Variants in SLC22A8 observed in about 807,000 individuals in gnomAD.
The protein encoded by SLC22A8 is organic anion transporter 3.
A neutral mutation model predicts 48.4 loss-of-function variants in SLC22A8; 40 were observed. The observed-to-expected ratio is 0.83, with a 90% CI of 0.64 to 1.08. The LOEUF (loss-of-function observed/expected upper bound fraction) is 1.08. SLC22A8 is among the 50% of genes least tolerant of loss of function. The pLI is 0.00. For missense variants in SLC22A8, 606 were observed against 699.0 expected (o/e 0.87, Z 1.50); for synonymous variants, 268 against 286.3 (o/e 0.94, Z 0.65).
chr11:62,995,643 A>C, intron 7 of SLC22A8, 61 bp downstream of exon 7: 2 of 1,205,608 alleles, frequency 1.7e-6, no homozygotes, highest in South Asian at 1.2e-5. Context: ...AAGTGAGCCT[A>C]CTGGAGGCCT....
At chr11:63,001,381 G>A (rs2086492721) in intron 2 of SLC22A8, among the ~76,000 whole-genome samples, 1 of 152,162 alleles carries the variant, frequency 6.6e-6, no homozygotes, top group Admixed American at 6.5e-5. Context: ...CTTTGAACGA[G>A]GAGCTGTACT....
chr11:63,001,518 T>G (rs1356632441), intron 2 of SLC22A8, among the ~76,000 whole-genome samples: 1 of 152,240 alleles, frequency 6.6e-6, no homozygotes, highest in African/African-American at 2.4e-5. Flanking sequence ...TCCCTAATCC[T>G]GGCCTGGCTT....
Position 62,993,123 on chromosome 11 carries a change from G to A in SLC22A8, c.*114C>T. 2.7e-6 allele frequency: 2 copies of A among 736,428 alleles called. No individual in the cohort carries two copies. The highest frequency in any genetic ancestry group is 4.5e-6 in the Non-Finnish European group (2 of 447,888). The allele number at this position is 736,428 out of a possible 1,614,324, so 45.6% of individuals were successfully genotyped here. On this transcript the variant is annotated 3_prime_UTR_variant, in exon 11 of 11. Coordinates refer to ENST00000336232, the MANE Select transcript of SLC22A8 (RefSeq NM_004254.4). ...GTGGTGATGGAGACACCTTCACCAA[G>A]CTCTCAGAAGGCTTCATCCTAGGAG...
rs1279991110 is a variant in SLC22A8, at chr11:63,014,638, G to A, written c.321C>T (p.Ser107=). The A allele has an allele frequency of 6.3e-7, 1 of 1,591,626 alleles. No homozygotes were observed. The highest frequency in any genetic ancestry group is 8.6e-7 in the Non-Finnish European group (1 of 1,163,290). The change falls in exon 2 of 11, where the codon TCC becomes TCT. Residue 107 remains serine (S), a synonymous_variant. Coordinates refer to ENST00000336232, the MANE Select transcript of SLC22A8 (RefSeq NM_004254.4). ...TGCCCAGGCATACCTCTGTCACAAT[G>A]GAGTCCTTGGTGCTGTTGTAGACCC... is the stretch of plus-strand genomic sequence containing the variant. ...DGWVYNSTKD[S]IVTEWDLVCN...
chr11:62,999,790 C>T lies in SLC22A8; in HGVS notation c.490G>A (p.Gly164Ser), dbSNP rs763444172. 20 of 1,604,408 alleles carry T rather than the reference C, an allele frequency of 1.2e-5. No individual in the cohort carries two copies. The highest frequency in any genetic ancestry group is 1.0e-4 in the Admixed American group (6 of 58,858). ...TCSYLLLAAS[G>S]SGAAFSPTFP... ...GTGGGGCTGAAGGCTGCACCGGAGC[C>T]GCTGGCTGCCAGCAGCAGGTAGCTG... is the stretch of plus-strand genomic sequence containing the variant. The change falls in exon 4 of 11, where the codon GGC becomes AGC. Residue 164 changes from glycine to serine, a missense_variant. Coordinates refer to ENST00000336232, the MANE Select transcript of SLC22A8 (RefSeq NM_004254.4).
chr11:63,006,465 T>A (rs558134311), intron 2 of SLC22A8, among the ~76,000 whole-genome samples: 8 of 152,212 alleles, frequency 5.3e-5, no homozygotes, highest in African/African-American at 1.7e-4. Context: ...GTAGGTAAGG[T>A]GCTCCTCATT....
rs753198831 is a variant in SLC22A8 at position 62,994,578 on chromosome 11, C to A, written c.1180G>T (p.Gly394Ter). The A allele has an allele frequency of 1.2e-6, 2 of 1,613,056 alleles. No homozygotes were observed. The highest frequency in any genetic ancestry group is 8.5e-7 in the Non-Finnish European group (1 of 1,179,606). Residue 394 changes from glycine to a stop codon, truncating the protein, a stop_gained, in exon 8 of 11, where the codon GGA becomes TGA. Transcript: ENST00000336232. LOFTEE classifies it high-confidence loss of function. ...TTQAAALLLA[G>*]GAILALTFVP... ...AAGGTGAGAGCCAAGATGGCCCCTC[C>A]TGCCAGGAGCAGGGCAGCGGCCTGA...
chr11:63,009,020 T>G (rs1412569989), intron 2 of SLC22A8, among the ~76,000 whole-genome samples: 1 of 152,014 alleles, frequency 6.6e-6, no homozygotes, highest in Non-Finnish European at 1.5e-5. Flanking sequence ...ATCAGGGGCT[T>G]TCTCGGTCAG....
At chr11:63,013,799 A>G (rs892542694) in intron 2 of SLC22A8, among the ~76,000 whole-genome samples, 1 of 152,114 alleles carries the variant, frequency 6.6e-6, no homozygotes, top group African/African-American at 2.4e-5. Context: ...AAAGCCCCCA[A>G]ATGTGCCTGT....
rs1344493001 is a variant in SLC22A8, at chr11:62,994,732, A to G, written c.1026T>C (p.Tyr342=). ...ATTCTTCCACACCCATAGCCAAACT[A>G]TAGTAGGCAAAACCGGTAGCAAACC... ...LAWFATGFAY[Y]SLAMGVEEFG... is the part of the protein sequence containing the mutation. The change falls in exon 8 of 11, where the codon TAT becomes TAC. Residue 342 remains tyrosine, a synonymous_variant. Coordinates refer to ENST00000336232, the MANE Select transcript of SLC22A8 (RefSeq NM_004254.4). 6.2e-7 allele frequency: 1 copy of G among 1,614,220 alleles called. No individual in the cohort carries two copies. Among genetic ancestry groups the G allele is most frequent in the Admixed American group, 1.7e-5 (1 of 60,028 alleles).
intron 5 of SLC22A8, among the ~76,000 whole-genome samples, chr11:62,998,639 C>T (rs1458619661): frequency 6.6e-6 from 1 of 152,194 alleles, no homozygotes; most frequent in African/African-American, 2.4e-5. Context: ...GAAGTCCAGG[C>T]CCCCCAGCTT....
chr11:63,004,137 A>G (rs2086529106), intron 2 of SLC22A8, among the ~76,000 whole-genome samples: 1 of 152,188 alleles, frequency 6.6e-6, no homozygotes, highest in East Asian at 1.9e-4. Context: ...CTGCTCCACC[A>G]TCTGAGACCA....
At chr11:62,994,495 C>A in intron 8 of SLC22A8, 47 bp downstream of exon 8, 2 of 1,470,100 alleles carry the variant, frequency 1.4e-6, no homozygotes, top group Admixed American at 2.0e-5. Context: ...TGGCACCCAA[C>A]CTGGCAGCCT....
At chr11:62,994,011 G>T in intron 8 of SLC22A8, 133 bp from the exon 9 acceptor site, 1 of 667,994 alleles carries the variant, frequency 1.5e-6, no homozygotes, top group South Asian at 1.7e-5. Flanking sequence ...GCTGAGTAAT[G>T]CTTTGCATGC....
chr11:62,992,954 G>A lies in SLC22A8; in HGVS notation c.*283C>T. The stretch of plus-strand genomic sequence containing the variant: ...AGCCAGGGGATATCAGGGGACCTCA[G>A]GGGAAGAGGACCGGGACAGTGGGGG... On this transcript the variant is annotated 3_prime_UTR_variant, in exon 11 of 11. Coordinates refer to ENST00000336232, the MANE Select transcript of SLC22A8 (RefSeq NM_004254.4). The A allele has an allele frequency of 2.1e-6, 1 of 477,314 alleles. No individual in the cohort carries two copies. 29.6% of individuals were successfully genotyped at this position (477,314 alleles called of 1,614,324 possible).
intron 2 of SLC22A8, among the ~76,000 whole-genome samples, chr11:63,007,683 G>A (rs563160464): frequency 1.3e-5 from 2 of 152,272 alleles, no homozygotes; most frequent in Non-Finnish European, 2.9e-5. Context: ...GAGCCCCAAG[G>A]GAGCTGGGTT....
intron 6 of SLC22A8, 40 bp from the exon 7 acceptor site, chr11:62,995,859 G>T: frequency 6.5e-7 from 1 of 1,542,200 alleles, no homozygotes; most frequent in Non-Finnish European, 9.0e-7. Context: ...TTAATGACCA[G>T]CTAGTGGGCA....
intron 2 of SLC22A8, among the ~76,000 whole-genome samples, chr11:63,008,131 C>T (rs537762151): frequency 1.4e-3 from 210 of 152,318 alleles, no homozygotes; most frequent in African/African-American, 5.0e-3. Flanking sequence ...AAGGTCAGAG[C>T]CAGATAAGCT....
chr11:62,994,072 A>G (rs1226116584), intron 8 of SLC22A8, 194 bp from the exon 9 acceptor site: 4 of 598,510 alleles, frequency 6.7e-6, no homozygotes, highest in Non-Finnish European at 1.2e-5. Flanking sequence ...CTCTATTTCC[A>G]TTTATATTTT....
Sources: allele counts gnomAD v4.1 joint callset (sites outside exome capture counted in the v4.1 genomes callset), GRCh38; gene constraint gnomAD v4.1.1; transcripts MANE v1.5; gene names NCBI Gene and HGNC (gene_info 2026-07-23, HGNC 2026-07-21).